Variants in SNX6 observed in about 807,000 individuals in gnomAD.
The protein encoded by SNX6 is sorting nexin 6.
SNX6 carries 34 observed loss-of-function variants against 63.0 expected under a neutral mutation model. The observed-to-expected ratio is 0.54, with a 90% confidence interval of 0.41 to 0.72. The LOEUF is 0.72. Ranked by LOEUF, SNX6 falls within the 30% of genes least tolerant of loss-of-function variation. The pLI, the probability that SNX6 is intolerant of heterozygous loss-of-function variation, is 0.00. For synonymous variants in SNX6, 170 were observed against 164.2 expected, an observed-to-expected ratio of 1.04 and a Z score of -0.27; for missense variants, 398 against 471.4, an observed-to-expected ratio of 0.84 and a Z score of 1.44.
intron 9 of SNX6, among the ~76,000 whole-genome samples, chr14:34,582,355 G>A (rs1257218121): frequency 6.6e-6 from 1 of 151,888 alleles, no homozygotes; most frequent in Non-Finnish European, 1.5e-5. Flanking sequence ...GCCAGGTGTG[G>A]TGGTGCACAC....
At position 34,592,326 on chromosome 14, in the gene SNX6, T is replaced by C. The variant is rs561396667; in HGVS notation, c.718+719A>G. 7.9e-5 allele frequency among the ~76,000 whole-genome samples: 12 copies of C among 152,160 alleles called. No individual in the cohort carries two copies. The East Asian group carries it at 2.1e-3, about 27-fold the overall frequency. On this transcript the variant is annotated intron_variant, in intron 8 of 13. Transcript: ENST00000362031. ...GCTTGAACTTGGGCGGCTGAGGTTG[T>C]TGCAGTGAGCTGAGATTGCACCGCT...
In SNX6 at chr14:34,562,524, C is replaced by G. The variant is rs1371915576; in HGVS notation, c.*598G>C. 1 of 152,636 alleles carries G rather than the reference C, an allele frequency of 6.6e-6. No homozygotes were observed. Among genetic ancestry groups the G allele is most frequent in the Non-Finnish European group, 1.5e-5 (1 of 68,066 alleles). 9.5% of individuals were successfully genotyped at this position (152,636 alleles called of 1,614,324 possible). A position where few individuals can be genotyped will look rare whatever the true frequency, so the allele number is the denominator to read the frequency against. On this transcript the variant is annotated 3_prime_UTR_variant, in exon 14 of 14. Coordinates refer to ENST00000362031, the MANE Select transcript of SNX6 (RefSeq NM_152233.4). ...TTTATTTTACAATACTTGGTTTAGTCTACAAGTTTAAGGCAAACATACTAA... is the reference window on the plus strand; with the variant it reads ...TTTATTTTACAATACTTGGTTTAGTGTACAAGTTTAAGGCAAACATACTAA...
At chr14:34,621,470 T>A (rs1883617514) in intron 2 of SNX6, among the ~76,000 whole-genome samples, 1 of 152,234 alleles carries the variant, frequency 6.6e-6, no homozygotes, top group Non-Finnish European at 1.5e-5. Flanking sequence ...CATAGCCACC[T>A]GGATGTATTC....
intron 10 of SNX6, among the ~76,000 whole-genome samples, chr14:34,576,879 C>T (rs982631318): frequency 8.0e-5 from 12 of 150,136 alleles, no homozygotes; most frequent in African/African-American, 2.2e-4. Context: ...GTCGGGAGTT[C>T]GAGACCAGCC....
chr14:34,563,428 T>G (rs956470312), intron 13 of SNX6, among the ~76,000 whole-genome samples: 17 of 152,100 alleles, frequency 1.1e-4, no homozygotes, highest in Admixed American at 9.8e-4. Context: ...GCGTGGTGGT[T>G]GGCACCTGTA....
intron 13 of SNX6, among the ~76,000 whole-genome samples, chr14:34,563,445 G>C (rs999880041): frequency 7.2e-5 from 11 of 152,014 alleles, no homozygotes; most frequent in Non-Finnish European, 1.6e-4. Context: ...TGTAGTCCCA[G>C]CTACTCGGTA....
chr14:34,613,623 T>C (rs569899199), intron 2 of SNX6, among the ~76,000 whole-genome samples: 87 of 151,828 alleles, frequency 5.7e-4, no homozygotes, highest in African/African-American at 2.0e-3. Context: ...AAACCCCGTC[T>C]CTACTAAAAA....
Position 34,575,962 on chromosome 14 carries a change from C to T in SNX6, c.835-120G>A, listed in dbSNP as rs183671337. On this transcript the variant is annotated intron_variant, in intron 10 of 13. Coordinates refer to ENST00000362031, the MANE Select transcript of SNX6 (RefSeq NM_152233.4). ...TTTTTGAGACGGAGTCTTGCTCTGT[C>T]ACCCAGGCTGGAGTGCAGTGGCGCT... 33 of 434,154 alleles carry T rather than the reference C, an allele frequency of 7.6e-5. No individual in the cohort carries two copies. The East Asian group carries it at 1.3e-3, about 17-fold the overall frequency. The allele number at this position is 434,154 out of a possible 1,614,324, so 26.9% of individuals were successfully genotyped here.
rs192395483 is a variant in SNX6, at chr14:34,616,208, C to A, written c.55-6466G>T. 3.4e-3 allele frequency among the ~76,000 whole-genome samples: 499 copies of A among 148,204 alleles called. 2 individuals are homozygous for A. Among genetic ancestry groups the A allele is most frequent in the African/African-American group, 0.012 (485 of 40,708 alleles). On this transcript the variant is annotated intron_variant, in intron 2 of 13. Transcript: ENST00000362031. ...TGACCTCATGATCCACCTGCTTCAG[C>A]CTCCCAAAGTGCTGGGATTACAGGT... is the stretch of plus-strand genomic sequence containing the variant.
chr14:34,574,637 A>G (rs962618111), intron 11 of SNX6, among the ~76,000 whole-genome samples: 11 of 151,732 alleles, frequency 7.2e-5, no homozygotes, highest in Admixed American at 6.6e-5. Context: ...AAAAAAAAAA[A>G]AAAAAGAAAG....
At chr14:34,620,813 T>C (rs1363533434) in intron 2 of SNX6, among the ~76,000 whole-genome samples, 1 of 151,932 alleles carries the variant, frequency 6.6e-6, no homozygotes, top group Non-Finnish European at 1.5e-5. Context: ...TGGTGGTGCA[T>C]GCCTGTAATC....
At chr14:34,573,814 T>G (rs1473474110) in intron 11 of SNX6, among the ~76,000 whole-genome samples, 1 of 151,460 alleles carries the variant, frequency 6.6e-6, no homozygotes, top group African/African-American at 2.4e-5. Context: ...GGCTAATTTT[T>G]GTATTTTTAG....
At chr14:34,629,823 G>A in intron 2 of SNX6, 84 bp downstream of exon 2, 1 of 1,535,170 alleles carries the variant, frequency 6.5e-7, no homozygotes, top group Non-Finnish European at 8.8e-7. Context: ...CGCGGCTGGG[G>A]ACCCATCCCC....
chr14:34,567,283 T>C (rs1881229451), intron 13 of SNX6, among the ~76,000 whole-genome samples: 1 of 151,674 alleles, frequency 6.6e-6, no homozygotes, highest in Admixed American at 6.6e-5. Flanking sequence ...GGACGGGATT[T>C]CGAGATAAGC....
chr14:34,627,174 C>A (rs1883859370), intron 2 of SNX6, among the ~76,000 whole-genome samples: 2 of 152,160 alleles, frequency 1.3e-5, no homozygotes, highest in African/African-American at 4.8e-5. Context: ...TGGCCAGGCG[C>A]GGTGGCTCAC....
At chr14:34,614,150 G>C (rs1883335234) in intron 2 of SNX6, among the ~76,000 whole-genome samples, 1 of 151,710 alleles carries the variant, frequency 6.6e-6, no homozygotes, top group Non-Finnish European at 1.5e-5. Flanking sequence ...AATCTGGCTG[G>C]GTGTAGCAGC....
chr14:34,585,402 C>A (rs1882112397), intron 9 of SNX6, among the ~76,000 whole-genome samples: 1 of 151,856 alleles, frequency 6.6e-6, no homozygotes, highest in South Asian at 2.1e-4. Flanking sequence ...CACCTGTAAT[C>A]CCAGCTACTT....
chr14:34,609,703 G>C lies in SNX6; in HGVS notation c.94C>G (p.Leu32Val), dbSNP rs865884194. 6.2e-7 allele frequency: 1 copy of C among 1,612,830 alleles called. No homozygotes were observed. ...AGAGCATCAGAAATGTCCACCTGCA[G>C]AGCAGCATCACTTTGAAGATCTACA... The part of the protein sequence containing the change: ...INVDLQSDAA[L>V]QVDISDALSE... Residue 32 changes from leucine to valine, a missense_variant, in exon 3 of 14, where the codon CTG (leucine) becomes GTG (valine). Coordinates refer to ENST00000362031, the MANE Select transcript of SNX6 (RefSeq NM_152233.4).
intron 8 of SNX6, among the ~76,000 whole-genome samples, chr14:34,587,469 G>C (rs570717460): frequency 3.1e-4 from 44 of 141,974 alleles, no homozygotes; most frequent in African/African-American, 1.1e-3. Context: ...GGAGGTGGAG[G>C]TTGCAGTGAG....
Sources: gnomAD v4.1 joint callset for allele counts (sites outside exome capture counted in the v4.1 genomes callset) on GRCh38, gnomAD v4.1.1 for gene constraint, MANE v1.5 for transcripts, NCBI Gene and HGNC (gene_info 2026-07-23, HGNC 2026-07-21) for gene names.